Variants in MSRA observed in about 807,000 individuals in gnomAD.
MSRA encodes the protein methionine sulfoxide reductase A, also known as mitochondrial peptide methionine sulfoxide reductase.
A neutral mutation model predicts 31.3 loss-of-function variants in MSRA; 54 were observed. The observed-to-expected ratio is 1.73, with a 90% CI of 1.39 to 2.17. The LOEUF is 2.17. Among genes scored for constraint, MSRA ranks in the 30% most tolerant of loss-of-function variants. The pLI, the probability that MSRA is intolerant of heterozygous loss-of-function variation, is 0.00. For missense variants in MSRA, 507 were observed against 300.9 expected (o/e 1.69, Z -5.07); for synonymous variants, 169 against 116.5 (o/e 1.45, Z -2.90).
intron 2 of MSRA, among the ~76,000 whole-genome samples, chr8:10,240,018 G>C (rs1812272983): frequency 1.3e-5 from 2 of 152,210 alleles, no homozygotes; most frequent in Non-Finnish European, 2.9e-5. Context: ...GAAACCAGCT[G>C]TGGGCTCACT....
At chr8:10,420,618 C>T (rs530654397) in intron 5 of MSRA, among the ~76,000 whole-genome samples, 1 of 152,094 alleles carries the variant, frequency 6.6e-6, no homozygotes, top group South Asian at 2.1e-4. Context: ...TGCAGAGTTA[C>T]TAACCCAGCC....
Position 10,271,946 on chromosome 8 carries a change from G to T in MSRA, c.331+26723G>T, listed in dbSNP as rs1167602472. On this transcript the variant is annotated intron_variant, in intron 3 of 5. Transcript: ENST00000317173. ...TGGTCTCGAACTCTCAACCTAAGGT[G>T]ACCCGCACACCTCGACCTCCCAAAG... Among the ~76,000 whole-genome samples, 8 of 152,210 alleles carry T rather than the reference G, an allele frequency of 5.3e-5. No homozygotes were observed. The East Asian group carries it at 1.5e-3, about 29-fold the overall frequency.
chr8:10,177,482 CT>C (rs1418539625), intron 1 of MSRA, among the ~76,000 whole-genome samples: 1 of 151,902 alleles, frequency 6.6e-6, no homozygotes, highest in Non-Finnish European at 1.5e-5. Flanking sequence ...AGCGAGCTGG[CT>C]TCATGAGTGT....
intron 5 of MSRA, among the ~76,000 whole-genome samples, chr8:10,426,282 T>C (rs1809157327): frequency 6.6e-6 from 1 of 152,154 alleles, no homozygotes; most frequent in Admixed American, 6.5e-5. Context: ...AAAACTTCCA[T>C]TCCGTCAAGC....
intron 2 of MSRA, among the ~76,000 whole-genome samples, chr8:10,229,722 A>G (rs370366535): frequency 8.5e-5 from 13 of 152,242 alleles, no homozygotes; most frequent in Middle Eastern, 3.4e-3. Context: ...AAAGGGTTAG[A>G]GAGTACAGAG....
At chr8:10,324,549 G>T (rs1479881157) in intron 5 of MSRA, among the ~76,000 whole-genome samples, 2 of 152,140 alleles carry the variant, frequency 1.3e-5, no homozygotes, top group African/African-American at 2.4e-5. Context: ...TCCTTTTCAG[G>T]AACCAAAGTG....
chr8:10,284,069 A>G (rs1020693879), intron 3 of MSRA, among the ~76,000 whole-genome samples: 1 of 151,580 alleles, frequency 6.6e-6, no homozygotes, highest in Admixed American at 6.6e-5. Context: ...TTGTTAAGGA[A>G]TCTCCACACT....
intron 1 of MSRA, among the ~76,000 whole-genome samples, chr8:10,145,249 C>T (rs1214300039): frequency 6.6e-6 from 1 of 152,142 alleles, no homozygotes; most frequent in Non-Finnish European, 1.5e-5. Flanking sequence ...CTTTTCCTTC[C>T]TTAAGACAAA....
chr8:10,375,953 G>A (rs1363228407), intron 5 of MSRA, among the ~76,000 whole-genome samples: 1 of 152,192 alleles, frequency 6.6e-6, no homozygotes, highest in Admixed American at 6.5e-5. Context: ...TTTCTGATGG[G>A]GGAGGAAGGC....
At chr8:10,240,065 C>T (rs1420094163) in intron 2 of MSRA, among the ~76,000 whole-genome samples, 1 of 152,162 alleles carries the variant, frequency 6.6e-6, no homozygotes, top group Non-Finnish European at 1.5e-5. Context: ...GTTGCTTGGT[C>T]TGATGGATGT....
At chr8:10,244,998 G>T in intron 2 of MSRA, 106 bp from the exon 3 acceptor site, 1 of 1,006,288 alleles carries the variant, frequency 9.9e-7, no homozygotes, top group South Asian at 2.5e-5. Context: ...TCAAATGACA[G>T]GAGCAACTTT....
At chr8:10,387,731 T>A (rs1563422414) in intron 5 of MSRA, among the ~76,000 whole-genome samples, 1 of 152,254 alleles carries the variant, frequency 6.6e-6, no homozygotes. Context: ...GGCATGGTGA[T>A]GACTTTTAGT....
At chr8:10,280,222 G>A (rs558394326) in intron 3 of MSRA, among the ~76,000 whole-genome samples, 2 of 151,386 alleles carry the variant, frequency 1.3e-5, no homozygotes, top group African/African-American at 4.8e-5. Flanking sequence ...TTTTGCCTTC[G>A]TGAACCTTTC....
chr8:10,384,101 A>G lies in MSRA; in HGVS notation c.544-44047A>G, dbSNP rs547891685. 2.0e-5 allele frequency among the ~76,000 whole-genome samples: 3 copies of G among 152,304 alleles called. No individual in the cohort carries two copies. In the East Asian group the frequency reaches 5.8e-4, roughly 29 times the overall value. On this transcript the variant is annotated intron_variant, in intron 5 of 5. Coordinates refer to ENST00000317173, the MANE Select transcript of MSRA (RefSeq NM_012331.5). ...GACATTTAGCTGCCAGTTTCAGGCC[A>G]GCTATGTGCCCAGAGCTTGTACCTT...
chr8:10,417,079 G>A (rs1006936068), intron 5 of MSRA, among the ~76,000 whole-genome samples: 3 of 152,224 alleles, frequency 2.0e-5, no homozygotes, highest in African/African-American at 4.8e-5. Context: ...GTACGAAGAA[G>A]CCCCATCCGT....
At chr8:10,331,570 G>C (rs528690133) in intron 5 of MSRA, among the ~76,000 whole-genome samples, 6 of 152,276 alleles carry the variant, frequency 3.9e-5, no homozygotes, top group African/African-American at 1.4e-4. Context: ...TAGAGAGCTA[G>C]AGTCATTTGA....
intron 5 of MSRA, among the ~76,000 whole-genome samples, chr8:10,414,847 G>A (rs899396974): frequency 2.6e-5 from 4 of 152,160 alleles, no homozygotes; most frequent in Non-Finnish European, 5.9e-5. Context: ...GTAGTTAATT[G>A]ATTGCAGATA....
In MSRA at chr8:10,428,363, A is replaced by G; in HGVS notation, c.*51A>G. 2 of 1,576,258 alleles carry G rather than the reference A, an allele frequency of 1.3e-6. No individual in the cohort carries two copies. Among genetic ancestry groups the G allele is most frequent in the South Asian group, 2.3e-5 (2 of 88,196 alleles). On this transcript the variant is annotated 3_prime_UTR_variant, in exon 6 of 6. Coordinates refer to ENST00000317173, the MANE Select transcript of MSRA (RefSeq NM_012331.5). ...AGGTTCCAGTAAAAATGCTTTCAAC[A>G]AATTGGGCAATGCTTGTGTGATTCA...
intron 2 of MSRA, among the ~76,000 whole-genome samples, chr8:10,222,466 A>C (rs886430337): frequency 2.6e-5 from 4 of 152,186 alleles, no homozygotes; most frequent in Non-Finnish European, 5.9e-5. Flanking sequence ...AAAAATTTAC[A>C]ACAAGACTAT....
Sources: gnomAD v4.1 joint callset for allele counts (sites outside exome capture counted in the v4.1 genomes callset) on GRCh38, gnomAD v4.1.1 for gene constraint, MANE v1.5 for transcripts, NCBI Gene and HGNC (gene_info 2026-07-23, HGNC 2026-07-21) for gene names.